The following PDGFD variants were observed in gnomAD, a reference collection of about 807,000 sequenced individuals.
PDGFD encodes platelet derived growth factor D.
In PDGFD, 30 loss-of-function variants were observed where a neutral mutation model predicts 44.7. That is an observed-to-expected ratio of 0.67 (90% confidence interval 0.50 to 0.91). PDGFD has a LOEUF of 0.91. Among genes scored for constraint, PDGFD ranks in the 40% least tolerant of loss-of-function variants. PDGFD has a pLI of 0.00. For synonymous variants in PDGFD, 173 were observed against 168.4 expected, an observed-to-expected ratio of 1.03 and a Z score of -0.21; for missense variants, 445 against 457.8, an observed-to-expected ratio of 0.97 and a Z score of 0.25.
At chr11:103,930,831 C>G (rs1565287451) in intron 5 of PDGFD, among the ~76,000 whole-genome samples, 1 of 152,228 alleles carries the variant, frequency 6.6e-6, no homozygotes, top group East Asian at 1.9e-4. Flanking sequence ...GCTGTGTATC[C>G]TCATCCACCT....
intron 6 of PDGFD, among the ~76,000 whole-genome samples, chr11:103,917,687 T>C (rs1344573568): frequency 6.6e-6 from 1 of 152,166 alleles, no homozygotes; most frequent in African/African-American, 2.4e-5. Flanking sequence ...TAAAGGAGGA[T>C]AAGTACCTTG....
At chr11:104,065,719 T>C (rs896980631) in intron 1 of PDGFD, among the ~76,000 whole-genome samples, 3 of 152,230 alleles carry the variant, frequency 2.0e-5, no homozygotes, top group African/African-American at 7.2e-5. Context: ...GTGTAATCTT[T>C]GTTCCACCTT....
At position 104,000,254 on chromosome 11, in the gene PDGFD, C is replaced by T. The variant is rs1565307317; in HGVS notation, c.126G>A (p.Glu42=). The T allele has an allele frequency of 6.2e-7, 1 of 1,613,080 alleles. No homozygotes were observed. The highest frequency in any genetic ancestry group is 1.1e-5 in the South Asian group (1 of 91,008). ...GGTACAAGTCTGTGAGGTGATTGCT[C>T]TCTGTTAGTAGTCACAACTTGTAGA... ...ALRNANLRRD[E]SNHLTDLYRR... is the part of the protein sequence containing the mutation. The change falls in exon 2 of 7, where the codon GAG becomes GAA. Residue 42 remains glutamate (E), a splice_region_variant and synonymous_variant. Transcript: ENST00000393158.
At chr11:104,119,681 C>A (rs966436317) in intron 1 of PDGFD, among the ~76,000 whole-genome samples, 5 of 66,862 alleles carry the variant, frequency 7.5e-5, no homozygotes, top group Non-Finnish European at 7.7e-5. Flanking sequence ...ATATATATAT[C>A]GATATATAAT....
At chr11:103,996,915 TA>T (rs1243736141) in intron 2 of PDGFD, among the ~76,000 whole-genome samples, 25 of 152,160 alleles carry the variant, frequency 1.6e-4, no homozygotes, top group Admixed American at 1.6e-3. Flanking sequence ...CTTAAGACCA[TA>T]AGTTCACCTC....
chr11:104,112,014 G>A (rs572136399), intron 1 of PDGFD, among the ~76,000 whole-genome samples: 5 of 152,204 alleles, frequency 3.3e-5, no homozygotes, highest in South Asian at 4.1e-4. Context: ...AAATAAGAAC[G>A]TAAAACCAAT....
intron 1 of PDGFD, among the ~76,000 whole-genome samples, chr11:104,067,296 T>G (rs575525979): frequency 1.3e-5 from 2 of 152,284 alleles, no homozygotes; most frequent in South Asian, 4.1e-4. Context: ...TTGAAACTCA[T>G]TTCTTTTCAA....
intron 1 of PDGFD, among the ~76,000 whole-genome samples, 198 bp from the exon 2 acceptor site, chr11:104,000,453 G>A (rs1166052883): frequency 6.6e-6 from 1 of 152,170 alleles, no homozygotes; most frequent in East Asian, 1.9e-4. Flanking sequence ...ACTAGCATCT[G>A]AGATACTCAA....
chr11:103,972,342 G>A (rs1481141968), intron 3 of PDGFD, among the ~76,000 whole-genome samples: 2 of 152,178 alleles, frequency 1.3e-5, no homozygotes, highest in South Asian at 2.1e-4. Context: ...AATATCTTGG[G>A]GGTTGCGGGG....
intron 3 of PDGFD, among the ~76,000 whole-genome samples, chr11:103,948,230 T>C (rs1488350063): frequency 6.6e-6 from 1 of 152,190 alleles, no homozygotes; most frequent in Non-Finnish European, 1.5e-5. Context: ...AAAATATTGG[T>C]GATCTTTTCA....
chr11:103,915,395 AC>A (rs1858105161), intron 6 of PDGFD, among the ~76,000 whole-genome samples: 1 of 152,136 alleles, frequency 6.6e-6, no homozygotes, highest in Admixed American at 6.5e-5. Flanking sequence ...TACAAGGGAC[AC>A]GTAGGAACTC....
chr11:104,111,530 T>C (rs1861557505), intron 1 of PDGFD, among the ~76,000 whole-genome samples: 1 of 152,140 alleles, frequency 6.6e-6, no homozygotes, highest in Admixed American at 6.6e-5. Context: ...AGTGCTGAGA[T>C]TACAGGTGTG....
At chr11:104,105,911 A>G (rs1463100446) in intron 1 of PDGFD, among the ~76,000 whole-genome samples, 2 of 152,126 alleles carry the variant, frequency 1.3e-5, no homozygotes, top group African/African-American at 4.8e-5. Context: ...TATTAGTATT[A>G]TCATGAATTA....
chr11:104,132,486 G>GT (rs2119847222), intron 1 of PDGFD, among the ~76,000 whole-genome samples: 1 of 152,018 alleles, frequency 6.6e-6, no homozygotes, highest in African/African-American at 2.4e-5. Context: ...ACCTCTTTAA[G>GT]TGGGGGCTCT....
intron 1 of PDGFD, among the ~76,000 whole-genome samples, chr11:104,141,130 G>A (rs1412195286): frequency 6.6e-6 from 1 of 152,066 alleles, no homozygotes; most frequent in African/African-American, 2.4e-5. Context: ...TCTCTTTCCT[G>A]CCTTACATTT....
intron 5 of PDGFD, among the ~76,000 whole-genome samples, chr11:103,941,631 A>C (rs983604937): frequency 6.6e-6 from 1 of 152,142 alleles, no homozygotes; most frequent in African/African-American, 2.4e-5. Flanking sequence ...CTGCTAAAAA[A>C]AAAATCACAA....
chr11:104,115,503 C>T lies in PDGFD; in HGVS notation c.124+48301G>A, dbSNP rs372248074. ...AATTGTGCTGGTATAAACATGTGTG[C>T]GCAAGCATCTTTTTCATATAATGAC... On this transcript the variant is annotated intron_variant, in intron 1 of 6. Transcript: ENST00000393158. Among the ~76,000 whole-genome samples, 93 of 151,760 alleles carry T rather than the reference C, an allele frequency of 6.1e-4. 2 individuals are homozygous for T. The South Asian group carries it at 0.017, about 28-fold the overall frequency.
chr11:104,158,667 C>A (rs747727049), intron 1 of PDGFD, among the ~76,000 whole-genome samples: 2 of 151,438 alleles, frequency 1.3e-5, no homozygotes, highest in Non-Finnish European at 2.9e-5. Context: ...CCCGTCTCTA[C>A]TAAAAACACA....
chr11:103,931,182 G>T (rs1002317748), intron 5 of PDGFD, among the ~76,000 whole-genome samples: 1 of 152,170 alleles, frequency 6.6e-6, no homozygotes, highest in Non-Finnish European at 1.5e-5. Flanking sequence ...CCTTATTAAA[G>T]TGAAACATAT....
Sources: gnomAD v4.1 joint callset for allele counts (sites outside exome capture counted in the v4.1 genomes callset) on GRCh38, gnomAD v4.1.1 for gene constraint, MANE v1.5 for transcripts, NCBI Gene and HGNC (gene_info 2026-07-23, HGNC 2026-07-21) for gene names.